The following PROX2 variants were observed in gnomAD, a reference collection of about 807,000 sequenced individuals.
PROX2 encodes prospero homeobox protein 2.
PROX2 carries 46 observed loss-of-function variants against 48.9 expected under a neutral mutation model. The ratio of observed to expected loss-of-function variants is 0.94; its 90% CI spans 0.74 to 1.20. PROX2 has a LOEUF of 1.20. Among genes scored for constraint, PROX2 ranks in the 50% most tolerant of loss-of-function variants. The pLI, the probability that PROX2 is intolerant of heterozygous loss-of-function variation, is 0.00. For synonymous variants in PROX2, 260 were observed against 276.6 expected, an observed-to-expected ratio of 0.94 and a Z score of 0.60; for missense variants, 663 against 719.4, an observed-to-expected ratio of 0.92 and a Z score of 0.90.
At position 74,862,572 on chromosome 14, in the gene PROX2, G is replaced by A. The variant is rs1432940236; in HGVS notation, c.1263C>T (p.Gly421=). 6.2e-7 allele frequency: 1 copy of A among 1,613,938 alleles called. No individual in the cohort carries two copies. The highest frequency in any genetic ancestry group is 2.2e-5 in the East Asian group (1 of 44,880). ...GCAGTGCCTCCATGACAGCATGCAG[G>A]CCTCTCTGTTCCATCTTCACCGAGG... ...LLPSVKMEQR[G]LHAVMEALPF... The change falls in exon 3 of 6, where the codon GGC becomes GGT. Residue 421 remains glycine (G), a synonymous_variant. Coordinates refer to ENST00000556489, the MANE Select transcript of PROX2 (RefSeq NM_001243007.2).
chr14:74,863,437 C>G lies in PROX2; in HGVS notation c.398G>C (p.Arg133Thr). The G allele has an allele frequency of 6.2e-7, 1 of 1,613,290 alleles. No individual in the cohort carries two copies. The highest frequency in any genetic ancestry group is 1.1e-5 in the South Asian group (1 of 90,978). ...QGNRKGGPRV[R>T]EQLHLLKQQL... ...TTGCTTCAGCAGATGAAGTTGTTCT[C>G]TCACACGAGGGCCCCCCTTCCTGTT... The change falls in exon 3 of 6, where the codon AGA becomes ACA. Residue 133 changes from arginine (R) to threonine (T), a missense_variant. Physicochemically the swap from Arg to Thr is moderately conservative, Grantham distance 71. Transcript: ENST00000556489.
chr14:74,875,946 G>A lies in PROX2; in HGVS notation c.-361C>T, dbSNP rs1185731230. Among the ~76,000 whole-genome samples, 1 of 152,230 alleles carries A rather than the reference G, an allele frequency of 6.6e-6. No individual in the cohort carries two copies. The highest frequency in any genetic ancestry group is 1.5e-5 in the Non-Finnish European group (1 of 68,046). ...TGTCTTGGGCTCTGTGGCCAGGTGG[G>A]GCCAACCACTCTAGAAGACGGAGCA... is the stretch of plus-strand genomic sequence containing the variant. On this transcript the variant is annotated 5_prime_UTR_variant, in exon 1 of 6. Coordinates refer to ENST00000556489, the MANE Select transcript of PROX2 (RefSeq NM_001243007.2).
At position 74,858,685 on chromosome 14, in the gene PROX2, C is replaced by T. The variant is rs192276339; in HGVS notation, c.1306-171G>A. 2.3e-5 allele frequency: 13 copies of T among 569,244 alleles called. No homozygotes were observed. The East Asian group carries it at 3.7e-4, about 16-fold the overall frequency. The allele number at this position is 569,244 out of a possible 1,614,324, so 35.3% of individuals were successfully genotyped here. A position where few individuals can be genotyped will look rare whatever the true frequency, so the allele number is the denominator to read the frequency against. Reference sequence around the variant, plus strand: ...AACTCTGGTCAAATAAGCTGGATGACATATGTGCACAGTTAAGTCACAGAA... The same window carrying T: ...AACTCTGGTCAAATAAGCTGGATGATATATGTGCACAGTTAAGTCACAGAA... On this transcript the variant is annotated intron_variant, in intron 3 of 5. Transcript: ENST00000556489.
chr14:74,873,919 G>C, intron 1 of PROX2: 6 of 468,636 alleles, frequency 1.3e-5, no homozygotes, highest in South Asian at 9.3e-5. Flanking sequence ...TTCTGTGTTG[G>C]ATTTGACAGA....
chr14:74,858,778 TTGTG>T (rs3083647), intron 3 of PROX2: 2,447 of 214,288 alleles, frequency 0.011, 44 homozygotes, highest in African/African-American at 0.03. Flanking sequence ...TTGGTGTATT[TTGTG>T]TGTGTGTGTG....
At position 74,862,696 on chromosome 14, in the gene PROX2, C is replaced by T. The variant is rs544880674; in HGVS notation, c.1139G>A (p.Arg380Gln). Residue 380 changes from arginine to glutamine, a missense_variant, in exon 3 of 6, where the codon CGA (arginine) becomes CAA (glutamine). Physicochemically the swap from Arg to Gln is conservative, Grantham distance 43. Transcript: ENST00000556489. ...TTGCGGCTTAGTAGTTCTCCAAGGT[C>T]GTAGGGCAGGCTCTGAGGAGGGGTG... is the stretch of plus-strand genomic sequence containing the variant. ...QRHPSSEPALRPWRTTKPQPL... is the reference protein window; with the variant it reads ...QRHPSSEPALQPWRTTKPQPL... The T allele has an allele frequency of 1.2e-5, 19 of 1,613,930 alleles. No individual in the cohort carries two copies. The highest frequency in any genetic ancestry group is 1.4e-5 in the Non-Finnish European group (16 of 1,179,886).
rs1594860669 is a variant in PROX2 at position 74,862,853 on chromosome 14, G to A, written c.982C>T (p.Pro328Ser). The A allele has an allele frequency of 1.2e-6, 2 of 1,613,988 alleles. No individual in the cohort carries two copies. Among genetic ancestry groups the A allele is most frequent in the Middle Eastern group, 1.6e-4 (1 of 6,062 alleles). Residue 328 changes from proline (P) to serine (S), a missense_variant, in exon 3 of 6, where the codon CCC becomes TCC. Coordinates refer to ENST00000556489, the MANE Select transcript of PROX2 (RefSeq NM_001243007.2). ...PRMTPKPCQDPPANFPLTAPS... is the reference protein window; with the variant it reads ...PRMTPKPCQDSPANFPLTAPS... ...GCAGTCAAGGGAAAGTTTGCTGGGG[G>A]ATCCTGACAGGGTTTGGGGGTCATT...
chr14:74,861,234 C>G, intron 3 of PROX2: 2 of 1,352,808 alleles, frequency 1.5e-6, no homozygotes, highest in Non-Finnish European at 2.0e-6. Flanking sequence ...TCCATAGACT[C>G]ATCAGCTTCT....
chr14:74,858,400 A>T lies in PROX2; in HGVS notation c.1413+7T>A, dbSNP rs1157513666. ...GCAGAAGCTGCCATTTAGTTGAGTG[A>T]CTTTACCTGAACATCAGGAAAATAA... is the stretch of plus-strand genomic sequence containing the variant. On this transcript the variant is annotated splice_region_variant and intron_variant, in intron 4 of 5. Transcript: ENST00000556489. 1 of 1,533,194 alleles carries T rather than the reference A, an allele frequency of 6.5e-7. No homozygotes were observed. Among genetic ancestry groups the T allele is most frequent in the African/African-American group, 1.4e-5 (1 of 73,118 alleles). 95.0% of individuals were successfully genotyped at this position (1,533,194 alleles called of 1,614,324 possible). A position where few individuals can be genotyped will look rare whatever the true frequency, so the allele number is the denominator to read the frequency against.
Position 74,862,649 on chromosome 14 carries a change from G to A in PROX2, c.1186C>T (p.Gln396Ter). Residue 396 changes from glutamine to a stop codon, truncating the protein, a stop_gained, in exon 3 of 6, where the codon CAG becomes TAG. Transcript: ENST00000556489. LOFTEE classifies it high-confidence loss of function. ...KPQPLVLSQQQCPLPFTSAHL... is the reference protein window; with the variant it reads ...KPQPLVLSQQ ...GCAGAGGTGAAAGGCAAGGGACACT[G>A]CTGCTGGCTCAGGACCAATGGTTGC... The A allele has an allele frequency of 6.2e-7, 1 of 1,614,064 alleles. No homozygotes were observed. Among genetic ancestry groups the A allele is most frequent in the Non-Finnish European group, 8.5e-7 (1 of 1,179,906 alleles).
intron 1 of PROX2, among the ~76,000 whole-genome samples, chr14:74,875,541 C>T (rs1883322323): frequency 6.6e-6 from 1 of 152,222 alleles, no homozygotes; most frequent in Admixed American, 6.5e-5. Context: ...GCCGCATATT[C>T]TGCGTTTCAG....
chr14:74,857,167 TATACTC>T lies in PROX2; in HGVS notation c.1414-178_1414-173del, dbSNP rs1325224989. On this transcript the variant is annotated intron_variant, in intron 4 of 5. Coordinates refer to ENST00000556489, the MANE Select transcript of PROX2 (RefSeq NM_001243007.2). ...CCGCTATTTTCCAAGCCTATTTAGT[TATACTC>T]AGAAAAATCTAAATTAGCTACAGTG... 6.8e-5 allele frequency: 38 copies of T among 558,916 alleles called. No homozygotes were observed. In the East Asian group the frequency reaches 1.0e-3, roughly 15 times the overall value. 34.6% of individuals were successfully genotyped at this position (558,916 alleles called of 1,614,324 possible). A position where few individuals can be genotyped will look rare whatever the true frequency, so the allele number is the denominator to read the frequency against.
At chr14:74,862,380 G>C (rs2091800644) in intron 3 of PROX2, 150 bp downstream of exon 3, 1 of 819,256 alleles carries the variant, frequency 1.2e-6, no homozygotes, top group Admixed American at 3.0e-5. Flanking sequence ...TATTTTTAGA[G>C]ATGGGGTCTA....
intron 2 of PROX2, 23 bp downstream of exon 2, chr14:74,871,080 T>C (rs1265065802): frequency 6.6e-6 from 1 of 151,826 alleles, no homozygotes; most frequent in African/African-American, 2.4e-5. Context: ...AAATAAAGTC[T>C]AGACAGATGT....
rs796334546 is a variant in PROX2 at position 74,864,841 on chromosome 14, C to CA, written c.-174-834dup. Among the ~76,000 whole-genome samples, 584 of 113,758 alleles carry CA rather than the reference C, an allele frequency of 5.1e-3. 1 individual carries two copies. The highest frequency in any genetic ancestry group is 0.014 in the Middle Eastern group (2 of 138). The allele number at this position is 113,758 out of a possible 152,430, so 74.6% of individuals were successfully genotyped here. A position where few individuals can be genotyped will look rare whatever the true frequency, so the allele number is the denominator to read the frequency against. ...TGGGTGACAGAGCGAGACTCCATCT[C>CA]AAAAAAAAAAAGCAAATTCAGGCCG... On this transcript the variant is annotated intron_variant, in intron 2 of 5. Coordinates refer to ENST00000556489, the MANE Select transcript of PROX2 (RefSeq NM_001243007.2).
intron 5 of PROX2, chr14:74,855,541 T>C: frequency 2.7e-6 from 1 of 368,692 alleles, no homozygotes. Context: ...ACACTTCCTT[T>C]GTAGGAGGAG....
At chr14:74,855,442 C>T in intron 5 of PROX2, 140 bp from the exon 6 acceptor site, 1 of 538,438 alleles carries the variant, frequency 1.9e-6, no homozygotes, top group Non-Finnish European at 3.0e-6. Context: ...CCTGATTCTG[C>T]AACCCTAGGA....
chr14:74,865,693 T>TG (rs566741509), intron 2 of PROX2, among the ~76,000 whole-genome samples: 202 of 151,548 alleles, frequency 1.3e-3, no homozygotes, highest in Middle Eastern at 3.4e-3. Flanking sequence ...TAGCCAGGCG[T>TG]GGTGGCGGGC....
At chr14:74,866,264 CA>C (rs201485177) in intron 2 of PROX2, among the ~76,000 whole-genome samples, 1,611 of 152,006 alleles carry the variant, frequency 0.011, 32 homozygotes, top group African/African-American at 0.038. Flanking sequence ...TCTCGAAAAA[CA>C]AAAAACAAAA....
Sources: allele counts gnomAD v4.1 joint callset (sites outside exome capture counted in the v4.1 genomes callset), GRCh38; gene constraint gnomAD v4.1.1; transcripts MANE v1.5; gene names NCBI Gene and HGNC (gene_info 2026-07-23, HGNC 2026-07-21).